Variants in TMEM117 observed in about 807,000 individuals in gnomAD.
TMEM117 encodes transmembrane protein 117.
Under a neutral mutation model 52.4 loss-of-function variants are expected in TMEM117, and 27 were observed. The observed-to-expected ratio is 0.51, with a 90% CI of 0.38 to 0.71. TMEM117 has a LOEUF of 0.71. TMEM117 is among the 30% of genes least tolerant of loss of function. The probability of loss-of-function intolerance (pLI) is 0.00; values close to 1 mark genes in which losing one functional copy is unlikely to be tolerated. For synonymous variants in TMEM117, 215 were observed against 206.3 expected, an observed-to-expected ratio of 1.04 and a Z score of -0.36; for missense variants, 556 against 630.5, an observed-to-expected ratio of 0.88 and a Z score of 1.26.
chr12:43,974,331 A>G (rs1175946199), intron 3 of TMEM117, among the ~76,000 whole-genome samples: 1 of 152,172 alleles, frequency 6.6e-6, no homozygotes, highest in Non-Finnish European at 1.5e-5. Flanking sequence ...TTTAAGTATT[A>G]TAAAGGCTTT....
At chr12:44,013,173 C>T (rs569302270) in intron 3 of TMEM117, among the ~76,000 whole-genome samples, 1 of 152,152 alleles carries the variant, frequency 6.6e-6, no homozygotes, top group Non-Finnish European at 1.5e-5. Flanking sequence ...GGTCTACAGG[C>T]TCACACCACC....
chr12:44,137,162 CAATGT>C (rs1219961540), intron 3 of TMEM117, among the ~76,000 whole-genome samples: 2 of 149,652 alleles, frequency 1.3e-5, no homozygotes, highest in African/African-American at 2.5e-5. Context: ...GAGAGAAGGG[CAATGT>C]AAGAAAATCA....
At chr12:43,945,350 T>C (rs983258760) in intron 3 of TMEM117, among the ~76,000 whole-genome samples, 3 of 152,196 alleles carry the variant, frequency 2.0e-5, no homozygotes, top group Admixed American at 6.5e-5. Context: ...AATCTCGCTG[T>C]TGTCAGCCAG....
At chr12:43,913,880 C>A (rs748469916) in intron 2 of TMEM117, among the ~76,000 whole-genome samples, 3 of 152,120 alleles carry the variant, frequency 2.0e-5, no homozygotes, top group African/African-American at 7.2e-5. Context: ...AAGTATTACA[C>A]GTGACCAAAT....
At chr12:44,369,580 TC>T (rs1229797608) in intron 6 of TMEM117, among the ~76,000 whole-genome samples, 1 of 152,224 alleles carries the variant, frequency 6.6e-6, no homozygotes, top group East Asian at 1.9e-4. Flanking sequence ...ATAAAATAGA[TC>T]CTTAGGATAA....
chr12:44,267,005 G>C (rs1950386153), intron 5 of TMEM117, among the ~76,000 whole-genome samples: 1 of 152,030 alleles, frequency 6.6e-6, no homozygotes, highest in Non-Finnish European at 1.5e-5. Context: ...AGGGTCCCTT[G>C]CATTTCCATA....
intron 3 of TMEM117, among the ~76,000 whole-genome samples, chr12:44,130,891 A>G (rs1479031590): frequency 6.6e-6 from 1 of 151,880 alleles, no homozygotes; most frequent in Non-Finnish European, 1.5e-5. Flanking sequence ...TCTGACATTG[A>G]TTTCTGACAT....
chr12:43,906,028 G>C (rs891148328), intron 2 of TMEM117, among the ~76,000 whole-genome samples: 11 of 151,984 alleles, frequency 7.2e-5, no homozygotes, highest in Non-Finnish European at 1.3e-4. Context: ...ATTGTATTTT[G>C]CTGTCAATAA....
At chr12:44,317,821 C>CAATG (rs1951077516) in intron 6 of TMEM117, among the ~76,000 whole-genome samples, 4 of 152,196 alleles carry the variant, frequency 2.6e-5, no homozygotes, top group Non-Finnish European at 4.4e-5. Context: ...ATGCTGCAGG[C>CAATG]AATGGGCTGA....
At chr12:44,386,088 T>C (rs1952084276) in intron 7 of TMEM117, among the ~76,000 whole-genome samples, 1 of 152,282 alleles carries the variant, frequency 6.6e-6, no homozygotes, top group Non-Finnish European at 1.5e-5. Context: ...TCAGTTTTTT[T>C]CCATTTCCTC....
intron 2 of TMEM117, among the ~76,000 whole-genome samples, chr12:43,930,328 A>G (rs1442004697): frequency 6.6e-6 from 1 of 152,112 alleles, no homozygotes; most frequent in African/African-American, 2.4e-5. Context: ...TTGTGTTAGA[A>G]TTTCGGGTCA....
At chr12:44,226,575 C>A (rs1253509263) in intron 5 of TMEM117, among the ~76,000 whole-genome samples, 1 of 151,804 alleles carries the variant, frequency 6.6e-6, no homozygotes, top group East Asian at 1.9e-4. Context: ...CCCCCAAATT[C>A]ACATGTTGAA....
chr12:44,152,445 A>ATATAAAAATTTTTATATATATAATTAT (rs1565850601), intron 4 of TMEM117, among the ~76,000 whole-genome samples: 1 of 112,836 alleles, frequency 8.9e-6, no homozygotes, highest in African/African-American at 3.8e-5. Context: ...ATATTTATAT[A>ATATAAAAATTTTTATATATATAATTAT]ATATAAAAAT....
At chr12:43,821,110 A>G in the TMEM117 span, among the ~76,000 whole-genome samples, 2 of 149,354 alleles carry the variant, frequency 1.3e-5, no homozygotes, top group African/African-American at 2.5e-5. Context: ...AAAAAAAAAA[A>G]AAAGAAAAAA....
chr12:43,908,159 T>C (rs375873478), intron 2 of TMEM117, among the ~76,000 whole-genome samples: 2 of 65,960 alleles, frequency 3.0e-5, no homozygotes, highest in Non-Finnish European at 4.8e-5. Context: ...CGGCAGAAAC[T>C]CTACAAGCCA....
At chr12:44,393,196 C>A (rs76262784), downstream of TMEM117, among the ~76,000 whole-genome samples, 5 of 152,080 alleles carry the variant, frequency 3.3e-5, 1 homozygote, top group East Asian at 9.7e-4. Flanking sequence ...TATCTACCTC[C>A]AACATAAGCT....
chr12:44,350,684 C>T lies in TMEM117; in HGVS notation c.769-25911C>T, dbSNP rs377284943. Among the ~76,000 whole-genome samples, 23 of 151,940 alleles carry T rather than the reference C, an allele frequency of 1.5e-4. No homozygotes were observed. In the East Asian group the frequency reaches 1.7e-3, roughly 12 times the overall value. ...ACCCCCAGTTCCATCCATGTTGTTG[C>T]AGATGGCAGGATCTCATTGTTTTAT... On this transcript the variant is annotated intron_variant, in intron 6 of 7. Coordinates refer to ENST00000266534, the MANE Select transcript of TMEM117 (RefSeq NM_032256.3).
chr12:44,393,233 C>G (rs151034615), downstream of TMEM117, among the ~76,000 whole-genome samples: 352 of 151,962 alleles, frequency 2.3e-3, 6 homozygotes, highest in African/African-American at 7.5e-3. Context: ...TCCTTAATAC[C>G]AACTGTACTA....
chr12:44,061,742 G>T (rs1947141676), intron 3 of TMEM117, among the ~76,000 whole-genome samples: 1 of 152,140 alleles, frequency 6.6e-6, no homozygotes, highest in African/African-American at 2.4e-5. Flanking sequence ...TATTCATGGG[G>T]ATTTAATTTG....
Sources: gnomAD v4.1 joint callset for allele counts (sites outside exome capture counted in the v4.1 genomes callset) on GRCh38, gnomAD v4.1.1 for gene constraint, MANE v1.5 for transcripts, NCBI Gene and HGNC (gene_info 2026-07-23, HGNC 2026-07-21) for gene names.